Variants in C11orf24 observed in about 807,000 individuals in gnomAD.
C11orf24 encodes uncharacterized protein C11orf24.
In C11orf24, 5 loss-of-function variants were observed where a neutral mutation model predicts 7.3. That is an observed-to-expected ratio of 0.69 (90% CI 0.36 to 1.45). The LOEUF (loss-of-function observed/expected upper bound fraction) is 1.45, where lower values mean the gene tolerates loss of function less well. Among genes scored for constraint, C11orf24 ranks in the 40% most tolerant of loss-of-function variants. The pLI, the probability that C11orf24 is intolerant of heterozygous loss-of-function variation, is 0.03. For missense variants in C11orf24, 566 were observed against 590.5 expected, an observed-to-expected ratio of 0.96 and a Z score of 0.43; for synonymous variants, 233 against 235.7, an observed-to-expected ratio of 0.99 and a Z score of 0.11.
chr11:68,265,884 C>A (rs1209477178), intron 2 of C11orf24, among the ~76,000 whole-genome samples: 1 of 152,258 alleles, frequency 6.6e-6, no homozygotes, highest in African/African-American at 2.4e-5. Context: ...TAGCAGCCCA[C>A]AGCAAAGTGT....
chr11:68,270,082 C>T (rs1327625622), intron 1 of C11orf24, among the ~76,000 whole-genome samples: 1 of 152,190 alleles, frequency 6.6e-6, no homozygotes, highest in East Asian at 1.9e-4. Flanking sequence ...TACAGGGAGA[C>T]TGGGTAGATC....
chr11:68,266,057 T>C (rs2098564900), intron 2 of C11orf24, among the ~76,000 whole-genome samples: 1 of 152,150 alleles, frequency 6.6e-6, no homozygotes, highest in African/African-American at 2.4e-5. Context: ...GCTACTGTAA[T>C]AGGGTCAAGA....
intron 1 of C11orf24, 115 bp downstream of exon 1, chr11:68,271,742 T>C (rs1428071892): frequency 6.5e-6 from 1 of 154,062 alleles, no homozygotes; most frequent in Non-Finnish European, 1.4e-5. Context: ...ACTCTCCCAC[T>C]GCCCCTCGTG....
intron 2 of C11orf24, among the ~76,000 whole-genome samples, chr11:68,266,446 G>A (rs936262645): frequency 2.6e-5 from 4 of 152,214 alleles, no homozygotes; most frequent in African/African-American, 7.2e-5. Flanking sequence ...CGAGACTTCC[G>A]GTCTCTTTCC....
At position 68,262,705 on chromosome 11, in the gene C11orf24, C is replaced by G; in HGVS notation, c.290G>C (p.Gly97Ala). Residue 97 changes from glycine to alanine, a missense_variant, in exon 4 of 4, where the codon GGT becomes GCT. By Grantham distance (60) the Gly-to-Ala change is moderately conservative. Coordinates refer to ENST00000304271, the MANE Select transcript of C11orf24 (RefSeq NM_022338.4). ...TDVSEPATSG[G>A]AADGVTSIAP... The stretch of plus-strand genomic sequence containing the variant: ...AATGGAGGTCACACCATCAGCTGCA[C>G]CTCCTGAAGTTGCTGGTTCACTCAC... 6.2e-7 allele frequency: 1 copy of G among 1,613,910 alleles called. No homozygotes were observed. The highest frequency in any genetic ancestry group is 8.5e-7 in the Non-Finnish European group (1 of 1,179,950).
At chr11:68,270,434 T>C in intron 1 of C11orf24, among the ~76,000 whole-genome samples, 1 of 152,102 alleles carries the variant, frequency 6.6e-6, no homozygotes, top group East Asian at 1.9e-4. Flanking sequence ...TGGCTTGTTA[T>C]ATGTGGCGCA....
At position 68,262,722 on chromosome 11, in the gene C11orf24, T is replaced by C. The variant is rs1475621538; in HGVS notation, c.273A>G (p.Glu91=). The change falls in exon 4 of 4, where the codon GAA becomes GAG. Residue 91 remains glutamate, a synonymous_variant. Coordinates refer to ENST00000304271, the MANE Select transcript of C11orf24 (RefSeq NM_022338.4). ...CAGCTGCACCTCCTGAAGTTGCTGG[T>C]TCACTCACATCTGTCCTGCTTGTGT... The part of the protein sequence containing the change: ...TEDTSRTDVS[E]PATSGGAADG... 4 of 1,614,070 alleles carry C rather than the reference T, an allele frequency of 2.5e-6. No individual in the cohort carries two copies. Among genetic ancestry groups the C allele is most frequent in the African/African-American group, 2.7e-5 (2 of 74,930 alleles).
intron 3 of C11orf24, 83 bp from the exon 4 acceptor site, chr11:68,263,001 C>T (rs1215739887): frequency 2.9e-6 from 4 of 1,399,678 alleles, no homozygotes; most frequent in Non-Finnish European, 3.9e-6. Flanking sequence ...GGCTTCCACC[C>T]AGGCCTGTGG....
chr11:68,262,424 C>A lies in C11orf24; in HGVS notation c.571G>T (p.Ala191Ser). Residue 191 changes from alanine (A) to serine (S), a missense_variant, in exon 4 of 4, where the codon GCC (alanine) becomes TCC (serine). Physicochemically the swap from Ala to Ser is moderately conservative, Grantham distance 99. Coordinates refer to ENST00000304271, the MANE Select transcript of C11orf24 (RefSeq NM_022338.4). ...TATGHPSLST[A>S]LAQVPKSSAL... ...CTGCTCTTTGGCACTTGTGCGAGGG[C>A]TGTGCTGAGAGATGGATGCCCAGTG... 6.2e-7 allele frequency: 1 copy of A among 1,614,162 alleles called. No homozygotes were observed. Among genetic ancestry groups the A allele is most frequent in the Non-Finnish European group, 8.5e-7 (1 of 1,180,024 alleles).
rs1247704096 is a variant in C11orf24, at chr11:68,262,250, TA to T, written c.744del (p.Met249CysfsTer43). ...ATGGGACCTTGTGCTTGGGGACGCA[TA>T]GGGGGTACAGGGCTTGCCGCGGTGT... ...PSDTAASPVPPMRPQAQGPIS... is the reference protein window; with the variant it reads ...PSDTAASPVPXMRPQAQGPIS... On this transcript the variant is annotated frameshift_variant, in exon 4 of 4. Coordinates refer to ENST00000304271, the MANE Select transcript of C11orf24 (RefSeq NM_022338.4). LOFTEE classifies it low-confidence loss of function (END_TRUNC). 5 of 1,613,222 alleles carry T rather than the reference TA, an allele frequency of 3.1e-6. No individual in the cohort carries two copies. The highest frequency in any genetic ancestry group is 1.1e-5 in the South Asian group (1 of 91,044).
intron 1 of C11orf24, among the ~76,000 whole-genome samples, chr11:68,270,929 T>C (rs530250282): frequency 6.6e-6 from 1 of 152,344 alleles, no homozygotes; most frequent in East Asian, 1.9e-4. Context: ...GATGTGACTC[T>C]GTGGCAGACG....
chr11:68,264,685 T>C (rs866408588), intron 2 of C11orf24, among the ~76,000 whole-genome samples: 27 of 116,314 alleles, frequency 2.3e-4, no homozygotes, highest in African/African-American at 7.2e-4. Context: ...TCTGTTCATC[T>C]ATCCATCCAT....
chr11:68,271,224 C>T (rs1002870303), intron 1 of C11orf24, among the ~76,000 whole-genome samples: 1 of 152,216 alleles, frequency 6.6e-6, no homozygotes, highest in African/African-American at 2.4e-5. Flanking sequence ...ATGATTATTT[C>T]TGGTGGCAAA....
chr11:68,269,449 T>C (rs1565292950), intron 1 of C11orf24, among the ~76,000 whole-genome samples: 1 of 152,206 alleles, frequency 6.6e-6, no homozygotes, highest in East Asian at 1.9e-4. Flanking sequence ...CGTCACCTCT[T>C]ATCATGGGAA....
Position 68,263,764 on chromosome 11 carries a change from A to G in C11orf24, c.4T>C (p.Trp2Arg). The stretch of plus-strand genomic sequence containing the variant: ...ATCCAAATGAGCACAAGAGCTGTCC[A>G]CATCTTGTGGGTGAGCTGGGAGCAA... M[W>R]TALVLIWIFS... Residue 2 changes from tryptophan to arginine, a missense_variant, in exon 3 of 4, where the codon TGG (tryptophan) becomes CGG (arginine). Trp to Arg is a moderately radical substitution (Grantham distance 101). Transcript: ENST00000304271. The G allele has an allele frequency of 6.2e-7, 1 of 1,612,742 alleles. No individual in the cohort carries two copies. The highest frequency in any genetic ancestry group is 8.5e-7 in the Non-Finnish European group (1 of 1,179,836).
chr11:68,269,747 C>T (rs914249495), intron 1 of C11orf24, among the ~76,000 whole-genome samples: 2 of 152,226 alleles, frequency 1.3e-5, no homozygotes, highest in Admixed American at 1.3e-4. Context: ...GAAACTTCTG[C>T]TGGATACCAT....
rs1397802957 is a variant in C11orf24 at position 68,261,930 on chromosome 11, A to G, written c.1065T>C (p.Thr355=). ...TCCTGGGTGTTGGCCCAGTGGAATC[A>G]GTACCTGGTGTGGCTTCAGTCTCTA... ...EQVETEATPG[T]DSTGPTPRSS... is the part of the protein sequence containing the mutation. The change falls in exon 4 of 4, where the codon ACT becomes ACC. Residue 355 remains threonine (T), a synonymous_variant. Coordinates refer to ENST00000304271, the MANE Select transcript of C11orf24 (RefSeq NM_022338.4). 6.2e-7 allele frequency: 1 copy of G among 1,613,954 alleles called. No homozygotes were observed.
Position 68,262,033 on chromosome 11 carries a change from G to A in C11orf24, c.962C>T (p.Ser321Phe), listed in dbSNP as rs751098283. Residue 321 changes from serine to phenylalanine, a missense_variant, in exon 4 of 4, where the codon TCC becomes TTC. Transcript: ENST00000304271. ...CATGGGGCTTGGCTGTGTCGTGGGG[G>A]ACATGGCCTCCATCTCAGGGATTGG... is the stretch of plus-strand genomic sequence containing the variant. ...TSPIPEMEAMSPTTQPSPMPY... is the reference protein window; with the variant it reads ...TSPIPEMEAMFPTTQPSPMPY... 7 of 1,614,040 alleles carry A rather than the reference G, an allele frequency of 4.3e-6. No homozygotes were observed. In the South Asian group the frequency reaches 5.5e-5, roughly 13 times the overall value.
intron 2 of C11orf24, chr11:68,267,357 GGC>G (rs1447667074): frequency 1.3e-5 from 2 of 152,276 alleles, no homozygotes; most frequent in Non-Finnish European, 2.9e-5. Context: ...TCTGCTAAGA[GGC>G]GCCCCTCCAC....
Sources: allele counts gnomAD v4.1 joint callset (sites outside exome capture counted in the v4.1 genomes callset), GRCh38; gene constraint gnomAD v4.1.1; transcripts MANE v1.5; gene names NCBI Gene and HGNC (gene_info 2026-07-23, HGNC 2026-07-21).